Variants in CDK14 observed in about 807,000 individuals in gnomAD.
The protein encoded by CDK14 is cyclin-dependent kinase 14.
A neutral mutation model predicts 60.7 loss-of-function variants in CDK14; 34 were observed. The ratio of observed to expected loss-of-function variants is 0.56; its 90% CI spans 0.43 to 0.75. The LOEUF is 0.75. Among genes scored for constraint, CDK14 ranks in the 30% least tolerant of loss-of-function variants. The pLI, the probability that CDK14 is intolerant of heterozygous loss-of-function variation, is 0.00. For synonymous variants in CDK14, 197 were observed against 203.7 expected (o/e 0.97, Z 0.28); for missense variants, 482 against 564.1 (o/e 0.85, Z 1.47).
At chr7:90,847,763 C>G (rs1277835945) in intron 5 of CDK14, among the ~76,000 whole-genome samples, 2 of 152,046 alleles carry the variant, frequency 1.3e-5, no homozygotes, top group Non-Finnish European at 2.9e-5. Flanking sequence ...TAATATTTTA[C>G]TGTTTATGAA....
chr7:90,888,211 A>G (rs6942787), intron 6 of CDK14, among the ~76,000 whole-genome samples: 138,110 of 152,096 alleles, frequency 0.91, 62,763 homozygotes, highest in East Asian at 0.96. Context: ...TTAGCTGGGC[A>G]TGGTGGCTTG....
chr7:91,156,792 C>G (rs2115719615), intron 14 of CDK14, among the ~76,000 whole-genome samples: 1 of 152,298 alleles, frequency 6.6e-6, no homozygotes, highest in Admixed American at 6.5e-5. Flanking sequence ...TTATGCTGAG[C>G]CTCTTGGCAG....
intron 10 of CDK14, among the ~76,000 whole-genome samples, chr7:90,992,265 T>C (rs143790910): frequency 2.6e-5 from 4 of 152,308 alleles, no homozygotes; most frequent in Admixed American, 2.6e-4. Flanking sequence ...ACCCAGAGAT[T>C]TGAATTAACT....
intron 9 of CDK14, among the ~76,000 whole-genome samples, chr7:90,973,246 A>T (rs1179651265): frequency 6.6e-6 from 1 of 152,094 alleles, no homozygotes; most frequent in Non-Finnish European, 1.5e-5. Flanking sequence ...ATCACTTTCA[A>T]TTAGGAAATT....
At chr7:90,722,128 T>A (rs533432846) in intron 2 of CDK14, among the ~76,000 whole-genome samples, 1 of 148,474 alleles carries the variant, frequency 6.7e-6, no homozygotes, top group Non-Finnish European at 1.5e-5. Flanking sequence ...CTCTTCTCCC[T>A]TCTCCCCTCT....
intron 5 of CDK14, among the ~76,000 whole-genome samples, chr7:90,795,424 TTTTA>T (rs1393128766): frequency 6.6e-6 from 1 of 151,016 alleles, no homozygotes; most frequent in Non-Finnish European, 1.5e-5. Context: ...ATAAATTAAT[TTTTA>T]TTTATTTTTT....
chr7:91,057,638 C>G (rs1584272268), intron 11 of CDK14, among the ~76,000 whole-genome samples: 1 of 152,238 alleles, frequency 6.6e-6, no homozygotes, highest in Admixed American at 6.5e-5. Context: ...AGCCAGTTTT[C>G]CCAACACCAT....
chr7:90,667,541 T>A (rs1801008123), intron 2 of CDK14, among the ~76,000 whole-genome samples: 1 of 152,132 alleles, frequency 6.6e-6, no homozygotes, highest in Non-Finnish European at 1.5e-5. Flanking sequence ...TTTAATGTTT[T>A]CAAAGTTCAT....
At chr7:91,113,774 A>C (rs1431028719) in intron 13 of CDK14, among the ~76,000 whole-genome samples, 1 of 152,088 alleles carries the variant, frequency 6.6e-6, no homozygotes, top group African/African-American at 2.4e-5. Flanking sequence ...TTTGGAACTA[A>C]GTTCTAAGTG....
intron 8 of CDK14, among the ~76,000 whole-genome samples, chr7:90,927,918 A>C (rs567625613): frequency 1.3e-5 from 2 of 151,678 alleles, no homozygotes; most frequent in South Asian, 4.2e-4. Context: ...GTTTCTTTTT[A>C]CTCTTTTTTC....
chr7:90,985,386 T>C (rs117148430), intron 10 of CDK14, among the ~76,000 whole-genome samples: 2,523 of 152,288 alleles, frequency 0.017, 24 homozygotes, highest in Non-Finnish European at 0.022. Context: ...AATTGACTAA[T>C]ATAGTTCTTT....
At chr7:90,656,871 A>G (rs1800761906) in intron 2 of CDK14, among the ~76,000 whole-genome samples, 1 of 152,184 alleles carries the variant, frequency 6.6e-6, no homozygotes, top group South Asian at 2.1e-4. Flanking sequence ...TAACTGAAAA[A>G]CAGGCACAAC....
At chr7:90,835,881 C>T (rs976454172) in intron 5 of CDK14, among the ~76,000 whole-genome samples, 1 of 152,114 alleles carries the variant, frequency 6.6e-6, no homozygotes, top group African/African-American at 2.4e-5. Context: ...CATTGCTCCT[C>T]GGTTACAAAC....
chr7:90,666,400 C>A (rs546893563), intron 2 of CDK14: 3 of 152,206 alleles, frequency 2.0e-5, no homozygotes, highest in African/African-American at 7.2e-5. Context: ...CCATGAAGTA[C>A]TTCACAAGTA....
At chr7:91,160,786 G>T in intron 14 of CDK14, among the ~76,000 whole-genome samples, 2 of 151,648 alleles carry the variant, frequency 1.3e-5, no homozygotes, top group South Asian at 2.1e-4. Context: ...GGATGTTATG[G>T]GTTTTTCAGA....
At chr7:90,698,611 A>G (rs1801714604) in intron 2 of CDK14, among the ~76,000 whole-genome samples, 1 of 152,192 alleles carries the variant, frequency 6.6e-6, no homozygotes, top group Middle Eastern at 3.2e-3. Flanking sequence ...CAGAAGACAG[A>G]TTCCTGCTTC....
At chr7:90,880,750 G>T (rs910449706) in intron 6 of CDK14, among the ~76,000 whole-genome samples, 2 of 152,092 alleles carry the variant, frequency 1.3e-5, no homozygotes, top group Non-Finnish European at 1.5e-5. Flanking sequence ...TTGCTGCTCT[G>T]CAGCCTCCTT....
rs563449847 is a variant in CDK14 at position 90,873,983 on chromosome 7, A to G, written c.639+10714A>G. On this transcript the variant is annotated intron_variant, in intron 6 of 14. Coordinates refer to ENST00000380050, the MANE Select transcript of CDK14 (RefSeq NM_001287135.2). Reference sequence around the variant, plus strand: ...GTTAATATAAATCTTTGTAGCCAAGACACATAGTGTACTGTGACTACTTTT... The same window carrying G: ...GTTAATATAAATCTTTGTAGCCAAGGCACATAGTGTACTGTGACTACTTTT... Among the ~76,000 whole-genome samples the G allele has an allele frequency of 1.3e-4, 20 of 152,304 alleles. No individual in the cohort carries two copies. In the Middle Eastern group the frequency reaches 0.01, roughly 78 times the overall value.
At chr7:90,669,129 C>T (rs1367805051) in intron 2 of CDK14, among the ~76,000 whole-genome samples, 1 of 152,096 alleles carries the variant, frequency 6.6e-6, no homozygotes, top group African/African-American at 2.4e-5. Flanking sequence ...CCATCTCCTC[C>T]TCCTCCATTC....
Sources: gnomAD v4.1 joint callset for allele counts (sites outside exome capture counted in the v4.1 genomes callset) on GRCh38, gnomAD v4.1.1 for gene constraint, MANE v1.5 for transcripts, NCBI Gene and HGNC (gene_info 2026-07-23, HGNC 2026-07-21) for gene names.